Variants in VEZT observed in about 807,000 individuals in gnomAD.
VEZT encodes vezatin, adherens junctions transmembrane protein, also known as vezatin.
VEZT carries 39 observed loss-of-function variants against 79.9 expected under a neutral mutation model. The observed-to-expected ratio is 0.49, with a 90% CI of 0.38 to 0.64. The LOEUF is 0.64. VEZT is among the 30% of genes least tolerant of loss of function. The pLI is 0.00. For missense variants in VEZT, 837 were observed against 893.1 expected (o/e 0.94, Z 0.80); for synonymous variants, 325 against 327.6 (o/e 0.99, Z 0.09).
intron 2 of VEZT, among the ~76,000 whole-genome samples, chr12:95,254,667 A>G (rs1456072578): frequency 2.0e-5 from 3 of 152,092 alleles, no homozygotes; most frequent in Admixed American, 6.5e-5. Context: ...ATTTGGGGAG[A>G]GCTAAATTTT....
intron 1 of VEZT, among the ~76,000 whole-genome samples, chr12:95,237,850 A>G (rs949527918): frequency 2.0e-5 from 3 of 152,218 alleles, no homozygotes; most frequent in Non-Finnish European, 4.4e-5. Flanking sequence ...AATAAAAGTC[A>G]TGGAGCCTGT....
At chr12:95,269,389 G>C (rs1454021476) in intron 5 of VEZT, among the ~76,000 whole-genome samples, 1 of 152,114 alleles carries the variant, frequency 6.6e-6, no homozygotes, top group African/African-American at 2.4e-5. Context: ...CTTTCTACTT[G>C]TATTCCCCTG....
intron 1 of VEZT, among the ~76,000 whole-genome samples, chr12:95,229,404 C>A (rs558004474): frequency 1.5e-4 from 23 of 152,092 alleles, no homozygotes; most frequent in Admixed American, 2.6e-4. Context: ...GAGGACCAGA[C>A]GAGGAGTCAA....
chr12:95,272,194 T>C (rs1005110004), intron 6 of VEZT, among the ~76,000 whole-genome samples: 24 of 150,310 alleles, frequency 1.6e-4, no homozygotes, highest in African/African-American at 5.9e-4. Context: ...AAATAATAAA[T>C]GGACAGATGG....
At chr12:95,275,335 G>A (rs2067435782) in intron 7 of VEZT, among the ~76,000 whole-genome samples, 1 of 152,156 alleles carries the variant, frequency 6.6e-6, no homozygotes, top group South Asian at 2.1e-4. Flanking sequence ...GCTCACGCCT[G>A]TAATCCCAGC....
At chr12:95,221,926 T>C (rs1300108668) in intron 1 of VEZT, among the ~76,000 whole-genome samples, 1 of 152,184 alleles carries the variant, frequency 6.6e-6, no homozygotes, top group African/African-American at 2.4e-5. Flanking sequence ...GTGTTCACAT[T>C]GTATTAGGTA....
intron 1 of VEZT, among the ~76,000 whole-genome samples, chr12:95,220,759 A>G (rs934824632): frequency 2.6e-5 from 4 of 152,036 alleles, no homozygotes; most frequent in Admixed American, 2.6e-4. Context: ...TCATTCTTCT[A>G]TTAATGGTCA....
At chr12:95,272,497 CAG>C (rs1380232378) in intron 6 of VEZT, among the ~76,000 whole-genome samples, 1 of 152,120 alleles carries the variant, frequency 6.6e-6, no homozygotes, top group Non-Finnish European at 1.5e-5. Context: ...TGAAATGAAA[CAG>C]AGGTGGCCAG....
chr12:95,261,653 C>T (rs747834389), intron 3 of VEZT, among the ~76,000 whole-genome samples: 2 of 152,148 alleles, frequency 1.3e-5, no homozygotes, highest in Non-Finnish European at 2.9e-5. Context: ...TCAGGTGATC[C>T]GCCCACCTTG....
Position 95,274,799 on chromosome 12 carries a change from T to A in VEZT, c.906T>A (p.Phe302Leu). Residue 302 changes from phenylalanine to leucine, a missense_variant, in exon 7 of 12, where the codon TTT becomes TTA. Transcript: ENST00000436874. Reference sequence around the variant, plus strand: ...CCAACTACATCTGTGTGGTGCCTTTTAAAGAGCTGGGCCTTGGACTTAGTG... The same window carrying A: ...CCAACTACATCTGTGTGGTGCCTTTAAAAGAGCTGGGCCTTGGACTTAGTG... ...NVTNYICVVP[F>L]KELGLGLSEE... 1 of 1,613,940 alleles carries A rather than the reference T, an allele frequency of 6.2e-7. No homozygotes were observed. The highest frequency in any genetic ancestry group is 8.5e-7 in the Non-Finnish European group (1 of 1,179,842).
intron 1 of VEZT, among the ~76,000 whole-genome samples, chr12:95,241,443 CA>C (rs1425456878): frequency 2.9e-4 from 44 of 152,140 alleles, no homozygotes; most frequent in Admixed American, 7.9e-4. Flanking sequence ...TAGCTGGGAC[CA>C]GAGGCGCACA....
At chr12:95,228,533 A>T (rs1355330189) in intron 1 of VEZT, among the ~76,000 whole-genome samples, 1 of 152,042 alleles carries the variant, frequency 6.6e-6, no homozygotes, top group Non-Finnish European at 1.5e-5. Flanking sequence ...ATATATCCTG[A>T]GTTTCAGTTT....
At chr12:95,232,530 A>G (rs1458031947) in intron 1 of VEZT, among the ~76,000 whole-genome samples, 2 of 152,172 alleles carry the variant, frequency 1.3e-5, no homozygotes, top group African/African-American at 2.4e-5. Flanking sequence ...CTTCTCAAAC[A>G]TTACACAGTT....
intron 9 of VEZT, 97 bp from the exon 10 acceptor site, chr12:95,294,175 C>A: frequency 9.9e-7 from 1 of 1,012,870 alleles, no homozygotes; most frequent in South Asian, 1.5e-5. Flanking sequence ...GCATGAGCCA[C>A]CACACCTGGC....
chr12:95,273,172 A>T lies in VEZT; in HGVS notation c.849-1570A>T, dbSNP rs958602959. ...TTATATGTAGACAATGCAAAATATG[A>T]AACTATTTTTAAAAAACAATGATAG... On this transcript the variant is annotated intron_variant, in intron 6 of 11. Coordinates refer to ENST00000436874, the MANE Select transcript of VEZT (RefSeq NM_017599.4). Among the ~76,000 whole-genome samples, 7 of 152,364 alleles carry T rather than the reference A, an allele frequency of 4.6e-5. No homozygotes were observed. In the East Asian group the frequency reaches 1.3e-3, roughly 29 times the overall value.
chr12:95,290,193 C>T (rs1261260788), intron 9 of VEZT, among the ~76,000 whole-genome samples: 4 of 152,090 alleles, frequency 2.6e-5, no homozygotes, highest in African/African-American at 9.7e-5. Context: ...TCCTTAAAGT[C>T]TTTCATGATA....
intron 9 of VEZT, among the ~76,000 whole-genome samples, chr12:95,291,613 T>C (rs1462576028): frequency 6.6e-6 from 1 of 152,228 alleles, no homozygotes; most frequent in Non-Finnish European, 1.5e-5. Context: ...GAAAAATGTA[T>C]TTACAAGAAC....
chr12:95,270,726 A>G lies in VEZT; in HGVS notation c.848+538A>G, dbSNP rs552244500. Among the ~76,000 whole-genome samples the G allele has an allele frequency of 3.3e-5, 5 of 152,348 alleles. No individual in the cohort carries two copies. In the South Asian group the frequency reaches 6.2e-4, roughly 19 times the overall value. On this transcript the variant is annotated intron_variant, in intron 6 of 11. Coordinates refer to ENST00000436874, the MANE Select transcript of VEZT (RefSeq NM_017599.4). ...TCATCTTCCTTATTGGATTTTTGTT[A>G]GGATCAAATGAGTTAATCCATGTAA...
chr12:95,298,454 T>G (rs550770711), intron 11 of VEZT, among the ~76,000 whole-genome samples: 3 of 152,148 alleles, frequency 2.0e-5, no homozygotes, highest in African/African-American at 7.2e-5. Context: ...ATGTTCAGGG[T>G]TTTGTTTTGT....
Sources: allele counts gnomAD v4.1 joint callset (sites outside exome capture counted in the v4.1 genomes callset), GRCh38; gene constraint gnomAD v4.1.1; transcripts MANE v1.5; gene names NCBI Gene and HGNC (gene_info 2026-07-23, HGNC 2026-07-21).